PRKAR1A: variants seen among roughly 807,000 people sequenced by gnomAD.
PRKAR1A encodes protein kinase cAMP-dependent type I regulatory subunit alpha, also known as cAMP-dependent protein kinase type I-alpha regulatory subunit.
In PRKAR1A, 3 loss-of-function variants were observed where a neutral mutation model predicts 52.0. That is an observed-to-expected ratio of 0.06 (90% CI 0.03 to 0.15). The LOEUF is 0.15. Among genes scored for constraint, PRKAR1A ranks in the 10% least tolerant of loss-of-function variants. The pLI is 1.00. For synonymous variants in PRKAR1A, 188 were observed against 168.4 expected, an observed-to-expected ratio of 1.12 and a Z score of -0.90; for missense variants, 240 against 477.4, an observed-to-expected ratio of 0.50 and a Z score of 4.63.
At chr17:68,472,444 G>T in the PRKAR1A span, among the ~76,000 whole-genome samples, 5 of 152,182 alleles carry the variant, frequency 3.3e-5, no homozygotes, top group Non-Finnish European at 1.5e-5. Context: ...ATCAGGGCCA[G>T]TGACTTAACT....
downstream of PRKAR1A, chr17:68,537,861 C>T (rs2143443398): frequency 3.6e-6 from 4 of 1,126,690 alleles, no homozygotes; most frequent in East Asian, 7.7e-5. The surrounding 1 kb of genome is among the most constrained non-coding windows in gnomAD (Gnocchi z 4.2). Flanking sequence ...CTTGTGTCTT[C>T]TCAGGCACAT....
the PRKAR1A span, among the ~76,000 whole-genome samples, chr17:68,475,915 T>G: frequency 6.6e-6 from 1 of 152,124 alleles, no homozygotes; most frequent in Non-Finnish European, 1.5e-5. Flanking sequence ...TTGTTATTGT[T>G]GTTCTCTTTA....
chr17:68,545,059 C>A (rs1600537963), intron 11 of PRKAR1A, among the ~76,000 whole-genome samples: 1 of 152,290 alleles, frequency 6.6e-6, no homozygotes, highest in African/African-American at 2.4e-5. Context: ...TAAAGTTCTA[C>A]ATTCTCTCTT....
intron 11 of PRKAR1A, chr17:68,540,915 A>G: frequency 6.2e-7 from 1 of 1,603,410 alleles, no homozygotes; most frequent in Non-Finnish European, 8.5e-7. Flanking sequence ...TTGTACGGGT[A>G]GATCTGTTTC....
chr17:68,425,935 T>C, the PRKAR1A span: 1 of 683,866 alleles, frequency 1.5e-6, no homozygotes. Context: ...AAATATCCTA[T>C]GGCTTTCCAA....
At chr17:68,431,278 G>A in the PRKAR1A span, among the ~76,000 whole-genome samples, 415 of 152,282 alleles carry the variant, frequency 2.7e-3, 1 homozygote, top group Middle Eastern at 0.01. Flanking sequence ...TAACGTTTCC[G>A]TGTCCAGATT....
At chr17:68,534,439 A>G (rs1012639679), downstream of PRKAR1A, among the ~76,000 whole-genome samples, 1 of 152,178 alleles carries the variant, frequency 6.6e-6, no homozygotes, top group African/African-American at 2.4e-5. Flanking sequence ...TTTTGCAGAC[A>G]TGAGCTGGGA....
intron 4 of PRKAR1A, 22 bp from the exon 5 acceptor site, chr17:68,523,994 C>T (rs748257781): frequency 2.0e-5 from 33 of 1,613,132 alleles, no homozygotes; most frequent in South Asian, 3.3e-5. Context: ...AAATGTAACA[C>T]GAGGCCTTCT....
At chr17:68,534,393 C>G (rs979821684), downstream of PRKAR1A, among the ~76,000 whole-genome samples, 4 of 152,186 alleles carry the variant, frequency 2.6e-5, no homozygotes, top group South Asian at 4.1e-4. Context: ...ACTTGCTAAA[C>G]TTTATTTGTA....
chr17:68,531,025 G>GTTTT lies in PRKAR1A; in HGVS notation c.*584_*587dup. 1.0e-6 allele frequency: 1 copy of GTTTT among 1,004,050 alleles called. No individual in the cohort carries two copies. Among genetic ancestry groups the GTTTT allele is most frequent in the South Asian group, 4.8e-5 (1 of 20,964 alleles). 62.2% of individuals were successfully genotyped at this position (1,004,050 alleles called of 1,614,324 possible). Reference sequence around the variant, plus strand: ...TTATCAATGGGATATGATTGGTTCAGTTTTTTTTTTTCCAGAGTTGTTGTT... The same window carrying GTTTT: ...TTATCAATGGGATATGATTGGTTCAGTTTTTTTTTTTTTTTCCAGAGTTGTTGTT... On this transcript the variant is annotated 3_prime_UTR_variant, in exon 11 of 11. Coordinates refer to ENST00000589228, the MANE Select transcript of PRKAR1A (RefSeq NM_002734.5).
chr17:68,435,645 G>A, the PRKAR1A span: 3 of 1,614,098 alleles, frequency 1.9e-6, no homozygotes, highest in Non-Finnish European at 2.5e-6. Context: ...TGCTAGTTTG[G>A]AGCCTGAGGC....
At chr17:68,509,783 A>G (rs1167498557), upstream of PRKAR1A, among the ~76,000 whole-genome samples, 1 of 152,138 alleles carries the variant, frequency 6.6e-6, no homozygotes, top group African/African-American at 2.4e-5. Flanking sequence ...TCTACTGCCC[A>G]TTTCCCTTTA....
chr17:68,470,083 GA>G, the PRKAR1A span, among the ~76,000 whole-genome samples: 4 of 150,990 alleles, frequency 2.6e-5, no homozygotes, highest in East Asian at 5.8e-4. Flanking sequence ...TAACATCTTA[GA>G]TTTTTTTTTT....
rs772762506 is a variant in PRKAR1A at position 68,551,049 on chromosome 17, C to T, written c.974-35C>T. ...CTGGAGGAAAGCATGACTTGGGTAA[C>T]GTGGCCCCTCTTGGGGCGATTTTCT... On this transcript the variant is annotated intron_variant, in intron 11 of 11. Coordinates refer to the PRKAR1A transcript ENST00000585981. The T allele has an allele frequency of 1.3e-5, 16 of 1,230,112 alleles. No individual in the cohort carries two copies. The East Asian group carries it at 2.8e-4, about 22-fold the overall frequency. 76.2% of individuals were successfully genotyped at this position (1,230,112 alleles called of 1,614,324 possible).
At chr17:68,476,975 A>G in the PRKAR1A span, among the ~76,000 whole-genome samples, 1 of 151,970 alleles carries the variant, frequency 6.6e-6, no homozygotes, top group South Asian at 2.1e-4. Flanking sequence ...TTCTACTTTT[A>G]ATGTCTGTTT....
chr17:68,482,558 T>G, the PRKAR1A span, among the ~76,000 whole-genome samples: 1 of 152,308 alleles, frequency 6.6e-6, no homozygotes, highest in African/African-American at 2.4e-5. Flanking sequence ...GATTTTAAAA[T>G]TCCTCTTTGT....
chr17:68,453,103 C>G, the PRKAR1A span: 1 of 770,340 alleles, frequency 1.3e-6, no homozygotes, highest in Non-Finnish European at 2.2e-6. Flanking sequence ...AAACAAGCAT[C>G]TGCAGGAGCT....
chr17:68,539,358 G>A lies in PRKAR1A; in HGVS notation c.973+9357G>A, dbSNP rs779624390. On this transcript the variant is annotated intron_variant, in intron 11 of 11. Transcript: ENST00000585981. ...TTACATGCAGCACTGGGAGAGAGGC[G>A]AGAGGATGGAGATTTCATCATGGGA... The A allele has an allele frequency of 1.1e-5, 17 of 1,614,058 alleles. No individual in the cohort carries two copies. The highest frequency in any genetic ancestry group is 1.3e-5 in the Non-Finnish European group (15 of 1,180,028).
the PRKAR1A span, chr17:68,421,382 GTCTC>G: frequency 5.7e-6 from 1 of 173,982 alleles, no homozygotes; most frequent in Non-Finnish European, 1.2e-5. Flanking sequence ...GGCTAAAAGA[GTCTC>G]TCTCTAAGTA....
Sources: allele counts gnomAD v4.1 joint callset (sites outside exome capture counted in the v4.1 genomes callset), GRCh38; gene constraint gnomAD v4.1.1; non-coding constraint Gnocchi (gnomAD v3.1); transcripts MANE v1.5; gene names NCBI Gene and HGNC (gene_info 2026-07-23, HGNC 2026-07-21).